Variants in AGBL1 observed in about 807,000 individuals in gnomAD.
AGBL1 encodes the protein AGBL carboxypeptidase 1, also known as cytosolic carboxypeptidase 4.
AGBL1 carries 130 observed loss-of-function variants against 118.9 expected under a neutral mutation model. The ratio of observed to expected loss-of-function variants is 1.09; its 90% CI spans 0.95 to 1.26. The LOEUF (loss-of-function observed/expected upper bound fraction) is 1.26, where lower values mean the gene tolerates loss of function less well. AGBL1 is among the 50% of genes most tolerant of loss of function. The pLI, the probability that AGBL1 is intolerant of heterozygous loss-of-function variation, is 0.00. For missense variants in AGBL1, 1,584 were observed against 1,298.1 expected, an observed-to-expected ratio of 1.22 and a Z score of -3.38; for synonymous variants, 555 against 478.9, an observed-to-expected ratio of 1.16 and a Z score of -2.08.
rs538877650 is a variant in AGBL1, at chr15:86,369,708, T to G, written c.2375-27658T>G. On this transcript the variant is annotated intron_variant, in intron 17 of 22. Coordinates refer to ENST00000614907, the MANE Select transcript of AGBL1 (RefSeq NM_001386094.1). ...ATGACCCTCAGAGAAGGTTTGCAGA[T>G]ATAAACACCAAACAAGCTTGTGCAG... is the stretch of plus-strand genomic sequence containing the variant. Among the ~76,000 whole-genome samples, 266 of 152,222 alleles carry G rather than the reference T, an allele frequency of 1.7e-3. 6 individuals are homozygous for G. Among genetic ancestry groups the G allele is most frequent in the Non-Finnish European group, 2.1e-3 (145 of 67,992 alleles).
chr15:86,327,875 TG>T (rs1179244732), intron 17 of AGBL1, among the ~76,000 whole-genome samples: 4 of 152,128 alleles, frequency 2.6e-5, no homozygotes, highest in Non-Finnish European at 5.9e-5. Flanking sequence ...AATTGCCAGA[TG>T]GGGTGTGTCG....
chr15:86,233,523 TGA>T (rs1263783138), intron 6 of AGBL1, among the ~76,000 whole-genome samples: 1 of 152,100 alleles, frequency 6.6e-6, no homozygotes, highest in Non-Finnish European at 1.5e-5. Context: ...TGATAGGCAT[TGA>T]GAAACACCCA....
At position 86,403,830 on chromosome 15, in the gene AGBL1, A is replaced by G. The variant is rs1835626; in HGVS notation, c.2555+6284A>G. 4.5e-3 allele frequency among the ~76,000 whole-genome samples: 688 copies of G among 152,304 alleles called. 21 individuals carry two copies. In the East Asian group the frequency reaches 0.076, roughly 17 times the overall value. On this transcript the variant is annotated intron_variant, in intron 18 of 22. Coordinates refer to ENST00000614907, the MANE Select transcript of AGBL1 (RefSeq NM_001386094.1). Reference sequence around the variant, plus strand: ...AAGGGAGTTAGAATGTAAGAACCTTAACATGTTCTTGCAGGGCAGATTCTT... The same window carrying G: ...AAGGGAGTTAGAATGTAAGAACCTTGACATGTTCTTGCAGGGCAGATTCTT...
intron 21 of AGBL1, among the ~76,000 whole-genome samples, chr15:86,561,046 A>C (rs1235385929): frequency 6.6e-6 from 1 of 152,238 alleles, no homozygotes; most frequent in Non-Finnish European, 1.5e-5. Flanking sequence ...GCCCTTTGTC[A>C]GATGAGTAGA....
intron 1 of AGBL1, among the ~76,000 whole-genome samples, chr15:86,106,217 T>A (rs764738080): frequency 1.3e-5 from 2 of 152,224 alleles, no homozygotes; most frequent in Admixed American, 1.3e-4. Context: ...ACATTATATG[T>A]GCTTGGTCTT....
intron 16 of AGBL1, 115 bp downstream of exon 16, chr15:86,279,898 G>A: frequency 7.5e-7 from 1 of 1,338,436 alleles, no homozygotes; most frequent in Non-Finnish European, 1.0e-6. Flanking sequence ...GAATGTAGGG[G>A]AACTACAGCC....
At chr15:86,379,465 C>G (rs2081084220) in intron 17 of AGBL1, among the ~76,000 whole-genome samples, 1 of 151,988 alleles carries the variant, frequency 6.6e-6, no homozygotes, top group African/African-American at 2.4e-5. Context: ...TTCACTCATT[C>G]ATTTGATTGA....
chr15:86,586,702 G>A (rs2084253639), intron 21 of AGBL1, among the ~76,000 whole-genome samples: 2 of 152,102 alleles, frequency 1.3e-5, no homozygotes, highest in African/African-American at 4.8e-5. Context: ...TAAATTCCTG[G>A]GAGGTATACA....
chr15:86,637,182 C>T (rs1462817535), intron 21 of AGBL1, among the ~76,000 whole-genome samples: 1 of 151,898 alleles, frequency 6.6e-6, no homozygotes, highest in African/African-American at 2.4e-5. Flanking sequence ...CAACACAGGA[C>T]ATACACAAAT....
intron 17 of AGBL1, among the ~76,000 whole-genome samples, chr15:86,300,760 T>TA (rs2079732845): frequency 6.6e-6 from 1 of 152,220 alleles, no homozygotes; most frequent in African/African-American, 2.4e-5. Flanking sequence ...TTGCAGTTGT[T>TA]AAAGAATAAC....
At chr15:86,118,842 C>T (rs771872714) in intron 1 of AGBL1, among the ~76,000 whole-genome samples, 7 of 152,136 alleles carry the variant, frequency 4.6e-5, no homozygotes, top group East Asian at 3.9e-4. Flanking sequence ...GTCTATTGTG[C>T]GAAAAAGTGT....
chr15:86,153,637 C>G (rs1168134734), intron 3 of AGBL1, among the ~76,000 whole-genome samples: 3 of 152,084 alleles, frequency 2.0e-5, no homozygotes, highest in Non-Finnish European at 2.9e-5. Flanking sequence ...GTGCACATGT[C>G]CCCTAGAACT....
chr15:86,479,821 A>G (rs1158056948), intron 18 of AGBL1, among the ~76,000 whole-genome samples: 2 of 152,184 alleles, frequency 1.3e-5, no homozygotes, highest in African/African-American at 2.4e-5. Flanking sequence ...AATAGCAAAG[A>G]CTTGGAACCA....
intron 21 of AGBL1, among the ~76,000 whole-genome samples, chr15:86,667,180 A>C (rs567320105): frequency 6.6e-6 from 1 of 151,850 alleles, no homozygotes; most frequent in African/African-American, 2.4e-5. Context: ...TCTGAACATA[A>C]ATTTTTTTAA....
chr15:86,350,108 T>A (rs2080601948), intron 17 of AGBL1, among the ~76,000 whole-genome samples: 1 of 152,152 alleles, frequency 6.6e-6, no homozygotes, highest in Non-Finnish European at 1.5e-5. Flanking sequence ...CAGCTATGAG[T>A]TTTGCCTGGG....
chr15:86,426,407 C>CAGCT (rs2142032075), intron 18 of AGBL1, among the ~76,000 whole-genome samples: 1 of 152,270 alleles, frequency 6.6e-6, no homozygotes, highest in East Asian at 1.9e-4. Context: ...TTGTGTCTAC[C>CAGCT]AGCTATTTGC....
chr15:87,023,872 C>G (rs2081695595), intron 24 of AGBL1, among the ~76,000 whole-genome samples: 1 of 151,972 alleles, frequency 6.6e-6, no homozygotes, highest in African/African-American at 2.4e-5. Context: ...AAATAACCTG[C>G]TTCTGAATGA....
chr15:86,995,128 C>A (rs8028575), intron 24 of AGBL1, among the ~76,000 whole-genome samples: 9,763 of 152,138 alleles, frequency 0.064, 1,054 homozygotes, highest in African/African-American at 0.22. Flanking sequence ...TGGCTCACAC[C>A]TGTAATCCCA....
rs140860925 is a variant in AGBL1, at chr15:86,914,241, C to T, written c.*6947C>T. 1.6e-4 allele frequency: 25 copies of T among 152,276 alleles called. No individual in the cohort carries two copies. The East Asian group carries it at 4.5e-3, about 27-fold the overall frequency. 9.4% of individuals were successfully genotyped at this position (152,276 alleles called of 1,614,324 possible). Reference sequence around the variant, plus strand: ...GGGTAGAAGACTATCAACCAGACCCCACCCACACTTCATTCTGAAGAGGAA... The same window carrying T: ...GGGTAGAAGACTATCAACCAGACCCTACCCACACTTCATTCTGAAGAGGAA... On this transcript the variant is annotated 3_prime_UTR_variant, in exon 23 of 23. Transcript: ENST00000614907.
Sources: allele counts gnomAD v4.1 joint callset (sites outside exome capture counted in the v4.1 genomes callset), GRCh38; gene constraint gnomAD v4.1.1; transcripts MANE v1.5; gene names NCBI Gene and HGNC (gene_info 2026-07-23, HGNC 2026-07-21).